STPG2: variants seen among roughly 807,000 people sequenced by gnomAD.
STPG2 encodes the protein sperm-tail PG-rich repeat-containing protein 2.
Under a neutral mutation model 54.2 loss-of-function variants are expected in STPG2, and 56 were observed. The ratio of observed to expected loss-of-function variants is 1.03; its 90% CI spans 0.83 to 1.29. The LOEUF (loss-of-function observed/expected upper bound fraction) is 1.29. STPG2 is among the 50% of genes most tolerant of loss of function. STPG2 has a pLI of 0.00. For missense variants in STPG2, 596 were observed against 544.9 expected (o/e 1.09, Z -0.93); for synonymous variants, 200 against 181.8 (o/e 1.10, Z -0.81).
chr4:97,518,309 C>T (rs1210841704), intron 4 of STPG2, among the ~76,000 whole-genome samples: 1 of 151,854 alleles, frequency 6.6e-6, no homozygotes, highest in Non-Finnish European at 1.5e-5. Flanking sequence ...TATAAAAACA[C>T]CAAGATAAAA....
chr4:97,630,627 C>G (rs1167909542), intron 10 of STPG2, among the ~76,000 whole-genome samples: 2 of 151,732 alleles, frequency 1.3e-5, no homozygotes, highest in African/African-American at 2.4e-5. Flanking sequence ...ACACATTCTT[C>G]CTTTAGCAAA....
rs542291499 is a variant in STPG2 at position 97,637,093 on chromosome 4, A to G, written c.1320+75606T>C. ...ATGAACATTGATGCAAAAATCCTCAATAAAATACTGGCAAACCGAATCCAG... is the reference window on the plus strand; with the variant it reads ...ATGAACATTGATGCAAAAATCCTCAGTAAAATACTGGCAAACCGAATCCAG... On this transcript the variant is annotated intron_variant, in intron 10 of 10. Transcript: ENST00000295268. Among the ~76,000 whole-genome samples, 687 of 152,360 alleles carry G rather than the reference A, an allele frequency of 4.5e-3. 6 individuals carry two copies. Among genetic ancestry groups the G allele is most frequent in the South Asian group, 8.7e-3 (42 of 4,830 alleles).
chr4:97,926,208 T>C (rs543994861), intron 8 of STPG2, among the ~76,000 whole-genome samples: 2 of 152,286 alleles, frequency 1.3e-5, no homozygotes, highest in Non-Finnish European at 2.9e-5. Flanking sequence ...ATGAAGTTCA[T>C]ACTTCATCAT....
intron 6 of STPG2, among the ~76,000 whole-genome samples, chr4:97,979,031 A>T (rs888189719): frequency 6.6e-6 from 1 of 152,242 alleles, no homozygotes; most frequent in African/African-American, 2.4e-5. Flanking sequence ...GACACAAAAC[A>T]TGTAACAGCC....
intron 10 of STPG2, among the ~76,000 whole-genome samples, chr4:97,637,472 A>G (rs1186312483): frequency 6.6e-6 from 1 of 152,148 alleles, no homozygotes; most frequent in Non-Finnish European, 1.5e-5. Context: ...TATTCAACAT[A>G]GTGTTGGAAG....
At chr4:98,041,369 T>C (rs371247413) in intron 5 of STPG2, among the ~76,000 whole-genome samples, 1 of 151,916 alleles carries the variant, frequency 6.6e-6, no homozygotes, top group Non-Finnish European at 1.5e-5. Context: ...CTATGTTGAA[T>C]AGGAGTGGTA....
At chr4:97,501,685 G>C (rs756794259) in intron 4 of STPG2, among the ~76,000 whole-genome samples, 10 of 150,894 alleles carry the variant, frequency 6.6e-5, no homozygotes, top group Non-Finnish European at 1.2e-4. Context: ...GACAAAGTGA[G>C]ACCCTGTCTC....
intron 4 of STPG2, among the ~76,000 whole-genome samples, chr4:97,442,493 A>G (rs1729114612): frequency 6.6e-6 from 1 of 152,270 alleles, no homozygotes; most frequent in Middle Eastern, 3.4e-3. Flanking sequence ...TGAAATGCAG[A>G]ATAATTCTGA....
At chr4:97,879,157 C>T (rs544180218) in intron 8 of STPG2, among the ~76,000 whole-genome samples, 2 of 152,298 alleles carry the variant, frequency 1.3e-5, no homozygotes, top group African/African-American at 4.8e-5. Flanking sequence ...AGAATTTTGG[C>T]CAAAGCCATT....
chr4:97,675,014 T>G (rs573055174), intron 10 of STPG2, among the ~76,000 whole-genome samples: 1 of 152,266 alleles, frequency 6.6e-6, no homozygotes, highest in East Asian at 1.9e-4. Flanking sequence ...ACATTCTCTT[T>G]TTTTTTGAGA....
intron 5 of STPG2, among the ~76,000 whole-genome samples, chr4:98,022,428 T>C (rs895147917): frequency 2.6e-5 from 4 of 152,198 alleles, no homozygotes; most frequent in African/African-American, 4.8e-5. Flanking sequence ...TAACGTGACC[T>C]TTCTCTCTGG....
At chr4:97,731,108 C>G (rs1218552355) in intron 9 of STPG2, among the ~76,000 whole-genome samples, 28 of 152,182 alleles carry the variant, frequency 1.8e-4, no homozygotes, top group Admixed American at 1.8e-3. Flanking sequence ...TTCACTGATT[C>G]TTTCTCATCT....
chr4:97,873,724 A>G (rs1429121038), intron 8 of STPG2, among the ~76,000 whole-genome samples: 1 of 151,556 alleles, frequency 6.6e-6, no homozygotes, highest in Non-Finnish European at 1.5e-5. Flanking sequence ...AGAAACAAAA[A>G]CAAAATCATT....
intron 8 of STPG2, among the ~76,000 whole-genome samples, chr4:97,852,878 A>AT (rs1729208005): frequency 6.6e-6 from 1 of 151,754 alleles, no homozygotes; most frequent in African/African-American, 2.4e-5. Context: ...CATAGATTGT[A>AT]GATCTCAATA....
chr4:97,691,990 C>T (rs551417740), intron 10 of STPG2, among the ~76,000 whole-genome samples: 1 of 152,134 alleles, frequency 6.6e-6, no homozygotes, highest in African/African-American at 2.4e-5. Flanking sequence ...AAGAGCACTG[C>T]ATGAAAGGAG....
At chr4:97,476,970 C>T (rs923290951) in intron 4 of STPG2, among the ~76,000 whole-genome samples, 7 of 152,208 alleles carry the variant, frequency 4.6e-5, no homozygotes, top group South Asian at 2.1e-4. Context: ...TAATTAATTT[C>T]GGAGTTTGGG....
intron 5 of STPG2, among the ~76,000 whole-genome samples, chr4:98,090,813 A>C (rs1037889781): frequency 2.0e-5 from 3 of 151,908 alleles, no homozygotes; most frequent in Admixed American, 6.6e-5. Flanking sequence ...TTAAGTCCCT[A>C]ATCCCTATAG....
At chr4:97,725,853 C>T (rs1724606538) in intron 9 of STPG2, among the ~76,000 whole-genome samples, 1 of 151,724 alleles carries the variant, frequency 6.6e-6, no homozygotes, top group African/African-American at 2.4e-5. Context: ...TACTGTGAAA[C>T]TGTAGAACAT....
intron 10 of STPG2, among the ~76,000 whole-genome samples, chr4:97,609,616 T>A (rs2148913721): frequency 6.6e-6 from 1 of 152,052 alleles, no homozygotes; most frequent in East Asian, 1.9e-4. Flanking sequence ...CTTTATGATC[T>A]CTCTTGTCCA....
Sources: gnomAD v4.1 joint callset for allele counts (sites outside exome capture counted in the v4.1 genomes callset) on GRCh38, gnomAD v4.1.1 for gene constraint, MANE v1.5 for transcripts, NCBI Gene and HGNC (gene_info 2026-07-23, HGNC 2026-07-21) for gene names.